The following NAA60 variants were observed in gnomAD, a reference collection of about 807,000 sequenced individuals.
NAA60 encodes the protein N-alpha-acetyltransferase 60.
In NAA60, 8 loss-of-function variants were observed where a neutral mutation model predicts 26.1. The ratio of observed to expected loss-of-function variants is 0.31; its 90% confidence interval spans 0.18 to 0.55. NAA60 has a LOEUF of 0.55. Among genes scored for constraint, NAA60 ranks in the 20% least tolerant of loss-of-function variants. The pLI, the probability that NAA60 is intolerant of heterozygous loss-of-function variation, is 0.93. For missense variants in NAA60, 290 were observed against 311.3 expected, an observed-to-expected ratio of 0.93 and a Z score of 0.51; for synonymous variants, 131 against 122.5, an observed-to-expected ratio of 1.07 and a Z score of -0.46.
At chr16:3,481,071 AT>A (rs2036798792) in intron 4 of NAA60, among the ~76,000 whole-genome samples, 1 of 150,666 alleles carries the variant, frequency 6.6e-6, no homozygotes, top group Non-Finnish European at 1.5e-5. Flanking sequence ...TTTTTCTTTG[AT>A]TTTTAAGAGC....
chr16:3,451,340 G>C (rs1026723602), intron 2 of NAA60, among the ~76,000 whole-genome samples: 19 of 152,164 alleles, frequency 1.2e-4, no homozygotes, highest in Non-Finnish European at 2.2e-4. Context: ...TGGAGAACTT[G>C]GGTACTGAGT....
intron 2 of NAA60, among the ~76,000 whole-genome samples, chr16:3,459,353 G>A (rs2035222569): frequency 6.6e-6 from 1 of 152,164 alleles, no homozygotes; most frequent in Admixed American, 6.5e-5. Context: ...GCAGGGAGAG[G>A]GGGAGTCTTC....
chr16:3,448,383 G>C, intron 1 of NAA60, 88 bp from the exon 2 acceptor site: 1 of 1,051,748 alleles, frequency 9.5e-7, no homozygotes, highest in Non-Finnish European at 1.4e-6. Flanking sequence ...CTGAGATCCA[G>C]GGTTTGTCTG....
chr16:3,464,517 G>T (rs1047146251), intron 2 of NAA60, among the ~76,000 whole-genome samples: 4 of 152,182 alleles, frequency 2.6e-5, no homozygotes, highest in Non-Finnish European at 4.4e-5. Context: ...AGGAGCTGCT[G>T]TGTCCATCTC....
chr16:3,463,862 G>A (rs1021222576), intron 2 of NAA60, among the ~76,000 whole-genome samples: 25 of 152,116 alleles, frequency 1.6e-4, no homozygotes, highest in African/African-American at 5.6e-4. Flanking sequence ...ATCTATGTGT[G>A]TGTTCGTCAT....
chr16:3,465,199 G>A (rs994451678), intron 2 of NAA60, among the ~76,000 whole-genome samples: 3 of 151,566 alleles, frequency 2.0e-5, no homozygotes, highest in Admixed American at 6.6e-5. Flanking sequence ...CCCGGGAGGC[G>A]GAGCTTGCAG....
intron 1 of NAA60, among the ~76,000 whole-genome samples, 198 bp from the exon 2 acceptor site, chr16:3,448,273 C>A (rs1164769885): frequency 6.1e-3 from 728 of 118,452 alleles, no homozygotes; most frequent in Middle Eastern, 8.9e-3. Context: ...GACCTTGTCT[C>A]AAAAAAAAAA....
At position 3,443,753 on chromosome 16, in the gene NAA60, C is replaced by A; in HGVS notation, c.-161C>A. 2.6e-6 allele frequency: 4 copies of A among 1,532,284 alleles called. No homozygotes were observed. Among genetic ancestry groups the A allele is most frequent in the African/African-American group, 1.4e-5 (1 of 73,048 alleles). The allele number at this position is 1,532,284 out of a possible 1,614,324, so 94.9% of individuals were successfully genotyped here. The stretch of plus-strand genomic sequence containing the variant: ...TGCTGAAGTAGAGTCTTAGGGTGAC[C>A]CCAGGGGGACGTAATGTTTCCGAGA... On this transcript the variant is annotated 5_prime_UTR_variant, in exon 1 of 8. Coordinates refer to ENST00000407558, the MANE Select transcript of NAA60 (RefSeq NM_001083601.3).
intron 6 of NAA60, 74 bp downstream of exon 6, chr16:3,483,671 A>G (rs867122091): frequency 1.7e-6 from 2 of 1,162,752 alleles, no homozygotes; most frequent in Middle Eastern, 4.4e-4. Context: ...AGCAAGTTGG[A>G]GCTGTGGTCC....
chr16:3,472,075 C>CT (rs2036184006), intron 2 of NAA60: 1 of 152,286 alleles, frequency 6.6e-6, no homozygotes, highest in African/African-American at 2.4e-5. Context: ...AGTATCTGTG[C>CT]TTGAGTTACA....
At position 3,485,744 on chromosome 16, in the gene NAA60, A is replaced by G. The variant is rs1236036237; in HGVS notation, c.*484A>G. ...GGAACAAGGGGGCGCAATAAAGGGA[A>G]TGGCCCGTCCCCTTCCAGAACCAGC... On this transcript the variant is annotated 3_prime_UTR_variant, in exon 8 of 8. Transcript: ENST00000407558. 1 of 453,248 alleles carries G rather than the reference A, an allele frequency of 2.2e-6. No individual in the cohort carries two copies. Among genetic ancestry groups the G allele is most frequent in the Non-Finnish European group, 4.4e-6 (1 of 225,012 alleles). 28.1% of individuals were successfully genotyped at this position (453,248 alleles called of 1,614,324 possible).
intron 6 of NAA60, among the ~76,000 whole-genome samples, chr16:3,484,209 G>A (rs2037029941): frequency 1.3e-5 from 2 of 152,100 alleles, no homozygotes; most frequent in Non-Finnish European, 2.9e-5. Flanking sequence ...ATGAGTCTAG[G>A]ATTTATTCAT....
intron 2 of NAA60, among the ~76,000 whole-genome samples, chr16:3,473,047 C>A (rs250632): frequency 6.6e-6 from 1 of 151,472 alleles, no homozygotes; most frequent in African/African-American, 2.4e-5. Context: ...CGTTTCATTT[C>A]GTTTTTGAGT....
intron 3 of NAA60, 80 bp from the exon 4 acceptor site, chr16:3,479,391 C>T: frequency 2.6e-6 from 4 of 1,512,628 alleles, no homozygotes; most frequent in Non-Finnish European, 3.6e-6. Flanking sequence ...CCAGAGCTCC[C>T]TGTGGTTCTG....
intron 2 of NAA60, among the ~76,000 whole-genome samples, chr16:3,453,168 A>G (rs1015252689): frequency 1.3e-5 from 2 of 151,676 alleles, no homozygotes; most frequent in Non-Finnish European, 2.9e-5. Flanking sequence ...AGGCTGAGGC[A>G]GGCAGATTGC....
At chr16:3,449,496 C>T (rs925831159) in intron 2 of NAA60, among the ~76,000 whole-genome samples, 5 of 151,552 alleles carry the variant, frequency 3.3e-5, no homozygotes, top group Admixed American at 1.3e-4. Flanking sequence ...CCAGACTGGG[C>T]GACAGAGCAA....
At chr16:3,480,594 T>A (rs1354062146) in intron 4 of NAA60, among the ~76,000 whole-genome samples, 1 of 142,648 alleles carries the variant, frequency 7.0e-6, no homozygotes, top group African/African-American at 2.6e-5. Context: ...CAAGACTTCG[T>A]CTAAAAAAAA....
intron 2 of NAA60, among the ~76,000 whole-genome samples, chr16:3,473,402 A>C (rs575791408): frequency 6.6e-6 from 1 of 152,158 alleles, no homozygotes; most frequent in Non-Finnish European, 1.5e-5. Context: ...AGAGCCAAGC[A>C]AAAAGGGAAA....
At chr16:3,469,632 G>T (rs1690448) in intron 2 of NAA60, among the ~76,000 whole-genome samples, 1 of 92,276 alleles carries the variant, frequency 1.1e-5, no homozygotes, top group Admixed American at 1.1e-4. Context: ...CCTGGTACCC[G>T]TCCTGTTTGG....
Sources: allele counts gnomAD v4.1 joint callset (sites outside exome capture counted in the v4.1 genomes callset), GRCh38; gene constraint gnomAD v4.1.1; transcripts MANE v1.5; gene names NCBI Gene and HGNC (gene_info 2026-07-23, HGNC 2026-07-21).